Variants in YPEL1 observed in about 807,000 individuals in gnomAD.
YPEL1 encodes yippee like 1, also known as protein yippee-like 1.
A neutral mutation model predicts 17.3 loss-of-function variants in YPEL1; 7 were observed. That is an observed-to-expected ratio of 0.40 (90% CI 0.23 to 0.76). The LOEUF (loss-of-function observed/expected upper bound fraction) is 0.76, where lower values mean the gene tolerates loss of function less well. YPEL1 is among the 30% of genes least tolerant of loss of function. The probability of loss-of-function intolerance (pLI) is 0.35; values close to 1 mark genes in which losing one functional copy is unlikely to be tolerated. For missense variants in YPEL1, 91 were observed against 155.5 expected (o/e 0.59, Z 2.21); for synonymous variants, 59 against 59.6 (o/e 0.99, Z 0.05).
rs901025910 is a variant in YPEL1 at position 21,703,613 on chromosome 22, C to T, written c.162-135G>A. On this transcript the variant is annotated intron_variant, in intron 3 of 4. Transcript: ENST00000339468. This position sits in a 1 kb window ranked among gnomAD's most constrained non-coding sequence, Gnocchi z 6.1. ...AAACTCCCAGAGAGCAGTGCCGTGC[C>T]TCTCCCCCAGCCCTGCCCGCCACCA... 1.6e-5 allele frequency: 14 copies of T among 880,808 alleles called. No individual in the cohort carries two copies. In the African/African-American group the frequency reaches 2.2e-4, roughly 14 times the overall value. 54.6% of individuals were successfully genotyped at this position (880,808 alleles called of 1,614,324 possible).
Position 21,699,151 on chromosome 22 carries a change from C to A in YPEL1, c.*1978G>T, listed in dbSNP as rs955543149. On this transcript the variant is annotated 3_prime_UTR_variant, in exon 5 of 5. Coordinates refer to ENST00000339468, the MANE Select transcript of YPEL1 (RefSeq NM_013313.5). ...GGCACAGCCCAGTGCCTGCCTGGAC[C>A]GCAGGTCTGGGTTTAGGAAGGGCTG... The A allele has an allele frequency of 6.6e-6, 1 of 152,426 alleles. No homozygotes were observed. The highest frequency in any genetic ancestry group is 2.1e-4 in the South Asian group (1 of 4,832). The allele number at this position is 152,426 out of a possible 1,614,324, so 9.4% of individuals were successfully genotyped here. A position where few individuals can be genotyped will look rare whatever the true frequency, so the allele number is the denominator to read the frequency against.
chr22:21,728,081 C>T (rs752806979), intron 1 of YPEL1, among the ~76,000 whole-genome samples: 3 of 152,242 alleles, frequency 2.0e-5, no homozygotes, highest in South Asian at 2.1e-4. Flanking sequence ...CATGTGGCCC[C>T]GCCATGTTCA....
intron 1 of YPEL1, among the ~76,000 whole-genome samples, chr22:21,726,310 T>C (rs1056421082): frequency 6.6e-6 from 1 of 152,228 alleles, no homozygotes; most frequent in Non-Finnish European, 1.5e-5. Flanking sequence ...GCCCCCAGAA[T>C]GACAAGAATG....
At chr22:21,713,491 T>G (rs984513428) in intron 1 of YPEL1, among the ~76,000 whole-genome samples, 2 of 152,206 alleles carry the variant, frequency 1.3e-5, no homozygotes, top group Non-Finnish European at 2.9e-5. Context: ...GAGGACACTA[T>G]GCTCAGTGAA....
At chr22:21,712,812 A>C (rs28422115) in intron 1 of YPEL1, among the ~76,000 whole-genome samples, 2 of 151,970 alleles carry the variant, frequency 1.3e-5, no homozygotes, top group Non-Finnish European at 2.9e-5. Context: ...GTTAAAAAAA[A>C]CTCAGCAAAA....
chr22:21,707,147 GT>G (rs533598101), intron 2 of YPEL1, among the ~76,000 whole-genome samples: 62 of 152,236 alleles, frequency 4.1e-4, no homozygotes, highest in African/African-American at 1.4e-3. Flanking sequence ...ACCTGGCACA[GT>G]GCCTCATGCC....
chr22:21,734,233 CAG>C (rs2068415548), intron 1 of YPEL1, among the ~76,000 whole-genome samples: 1 of 152,216 alleles, frequency 6.6e-6, no homozygotes, highest in South Asian at 2.1e-4. Flanking sequence ...AAGAAACAAA[CAG>C]AGAAATGGCT....
Position 21,710,764 on chromosome 22 carries a change from C to A in YPEL1, c.-20G>T. The A allele has an allele frequency of 1.2e-6, 2 of 1,603,978 alleles. No homozygotes were observed. Among genetic ancestry groups the A allele is most frequent in the Non-Finnish European group, 1.7e-6 (2 of 1,170,754 alleles). The stretch of plus-strand genomic sequence containing the variant: ...CACCATCTCTCCTGGGCACTCCTCA[C>A]TCAGCTCAGGGCTGGTTCTGGAAGA... On this transcript the variant is annotated 5_prime_UTR_variant, in exon 2 of 5. Transcript: ENST00000339468.
chr22:21,704,531 C>A (rs933967088), intron 2 of YPEL1, among the ~76,000 whole-genome samples: 1 of 151,966 alleles, frequency 6.6e-6, no homozygotes, highest in Admixed American at 6.6e-5. Flanking sequence ...GTGGCGGGCA[C>A]CAGTAACCCC....
At chr22:21,704,342 T>C (rs2068096490) in intron 2 of YPEL1, among the ~76,000 whole-genome samples, 1 of 152,154 alleles carries the variant, frequency 6.6e-6, no homozygotes, top group South Asian at 2.1e-4. Context: ...GTGTCCATAT[T>C]TTCCCACTGA....
Position 21,703,399 on chromosome 22 carries a change from T to C in YPEL1, c.241A>G (p.Asn81Asp). Residue 81 changes from asparagine to aspartate, a missense_variant, in exon 4 of 5, where the codon AAC (asparagine) becomes GAC (aspartate). By Grantham distance (23) the Asn-to-Asp change is conservative. Transcript: ENST00000339468. This position sits in a 1 kb window ranked among gnomAD's most constrained non-coding sequence, Gnocchi z 6.1. ...TTCCACCCGAGCGTGGTCTTGCAGT[T>C]CTCGCAGTAGATGTCGGCAACCGCA... ...LHAVADIYCENCKTTLGWKYE... is the reference protein window; with the variant it reads ...LHAVADIYCEDCKTTLGWKYE... 2 of 1,613,540 alleles carry C rather than the reference T, an allele frequency of 1.2e-6. No individual in the cohort carries two copies. The highest frequency in any genetic ancestry group is 1.7e-6 in the Non-Finnish European group (2 of 1,179,986).
At chr22:21,714,829 A>G (rs907203345) in intron 1 of YPEL1, among the ~76,000 whole-genome samples, 10 of 152,126 alleles carry the variant, frequency 6.6e-5, no homozygotes, top group African/African-American at 2.4e-4. Context: ...TGTGGCTTTA[A>G]TTTGCTTCAA....
chr22:21,706,352 C>T (rs931799350), intron 2 of YPEL1, among the ~76,000 whole-genome samples: 7 of 143,766 alleles, frequency 4.9e-5, no homozygotes, highest in African/African-American at 1.3e-4. Flanking sequence ...TTGCTTGAAC[C>T]GGGACCCGGG....
Position 21,703,620 on chromosome 22 carries a change from C to A in YPEL1, c.162-142G>T. 4.7e-6 allele frequency: 4 copies of A among 846,684 alleles called. No individual in the cohort carries two copies. The highest frequency in any genetic ancestry group is 7.4e-6 in the Non-Finnish European group (4 of 543,142). The allele number at this position is 846,684 out of a possible 1,614,324, so 52.4% of individuals were successfully genotyped here. ...CAGAGAGCAGTGCCGTGCCTCTCCC[C>A]CAGCCCTGCCCGCCACCACCATCAA... On this transcript the variant is annotated intron_variant, in intron 3 of 4. Transcript: ENST00000339468. This position sits in a 1 kb window ranked among gnomAD's most constrained non-coding sequence, Gnocchi z 6.1.
chr22:21,714,464 G>A (rs903692608), intron 1 of YPEL1, among the ~76,000 whole-genome samples: 8 of 152,150 alleles, frequency 5.3e-5, no homozygotes, highest in South Asian at 2.1e-4. Flanking sequence ...CTCTGCTGAC[G>A]TGCAGCCAAG....
Position 21,710,666 on chromosome 22 carries a change from T to TA in YPEL1, c.78_79insT (p.Arg27Ter). On this transcript the variant is annotated frameshift_variant, in exon 2 of 5. Transcript: ENST00000339468. LOFTEE classifies it high-confidence loss of function. ...TCGTCATGATTGGCCAGGTGTGCTC[T>TA]GCAGTGGATACAGCTGTACGTTCGG... The TA allele has an allele frequency of 6.2e-7, 1 of 1,614,272 alleles. No homozygotes were observed.
At position 21,710,838 on chromosome 22, in the gene YPEL1, C is replaced by A. The variant is rs565309046; in HGVS notation, c.-94G>T. The A allele has an allele frequency of 2.7e-6, 3 of 1,121,500 alleles. No individual in the cohort carries two copies. The highest frequency in any genetic ancestry group is 1.4e-6 in the Non-Finnish European group (1 of 734,466). 69.5% of individuals were successfully genotyped at this position (1,121,500 alleles called of 1,614,324 possible). On this transcript the variant is annotated 5_prime_UTR_variant, in exon 2 of 5. Coordinates refer to ENST00000339468, the MANE Select transcript of YPEL1 (RefSeq NM_013313.5). ...GACAAAAGCAACACTGGAAAATGCA[C>A]GCAAGAGCCGTCGTTGTCCAGGAGG...
intron 1 of YPEL1, among the ~76,000 whole-genome samples, chr22:21,717,079 C>A (rs573777996): frequency 6.8e-6 from 1 of 146,290 alleles, no homozygotes; most frequent in Non-Finnish European, 1.5e-5. Context: ...TAAAGAAGAG[C>A]GAGAGGCCGG....
At chr22:21,712,465 G>A (rs552534840) in intron 1 of YPEL1, among the ~76,000 whole-genome samples, 2 of 147,668 alleles carry the variant, frequency 1.4e-5, no homozygotes, top group African/African-American at 4.9e-5. Context: ...GGTGGCTCAC[G>A]CCTGTAATCC....
Sources: gnomAD v4.1 joint callset for allele counts (sites outside exome capture counted in the v4.1 genomes callset) on GRCh38, gnomAD v4.1.1 for gene constraint, Gnocchi (gnomAD v3.1) non-coding constraint, MANE v1.5 for transcripts, NCBI Gene and HGNC (gene_info 2026-07-23, HGNC 2026-07-21) for gene names.